The following MACF1 variants were observed in gnomAD, a reference collection of about 807,000 sequenced individuals.
MACF1 encodes the protein microtubule-actin cross-linking factor 1.
Under a neutral mutation model 854.8 loss-of-function variants are expected in MACF1, and 193 were observed. The ratio of observed to expected loss-of-function variants is 0.23; its 90% CI spans 0.20 to 0.25. MACF1 has a LOEUF of 0.25. Among genes scored for constraint, MACF1 ranks in the 10% least tolerant of loss-of-function variants. MACF1 has a pLI of 1.00. For missense variants in MACF1, 7,722 were observed against 8,929.1 expected, an observed-to-expected ratio of 0.86 and a Z score of 5.45; for synonymous variants, 3,185 against 3,226.7, an observed-to-expected ratio of 0.99 and a Z score of 0.44.
chr1:39,174,036 TA>T (rs1643990444), intron 2 of MACF1, among the ~76,000 whole-genome samples: 1 of 152,184 alleles, frequency 6.6e-6, no homozygotes, highest in Non-Finnish European at 1.5e-5. Flanking sequence ...AAGGGAGACT[TA>T]ATCGTGCTTT....
chr1:39,096,807 A>G (rs1222446128), intron 2 of MACF1, among the ~76,000 whole-genome samples: 1 of 151,696 alleles, frequency 6.6e-6, no homozygotes, highest in Admixed American at 6.6e-5. Context: ...TATCTGCTTC[A>G]GAGTCCATGT....
At chr1:39,254,442 G>T in intron 5 of MACF1, 67 bp downstream of exon 5, 2 of 1,380,266 alleles carry the variant, frequency 1.4e-6, no homozygotes, top group South Asian at 2.3e-5. Flanking sequence ...ATTCAGAGAT[G>T]TTTTTAGTGC....
chr1:39,247,680 T>G (rs1644997550), intron 2 of MACF1, among the ~76,000 whole-genome samples: 1 of 152,228 alleles, frequency 6.6e-6, no homozygotes, highest in Admixed American at 6.5e-5. Context: ...GATGTCTTGT[T>G]TTGTTTATTG....
intron 58 of MACF1, among the ~76,000 whole-genome samples, chr1:39,408,822 TC>T (rs1642830831): frequency 6.6e-6 from 1 of 151,514 alleles, no homozygotes; most frequent in African/African-American, 2.4e-5. Context: ...ACGGCTGGCG[TC>T]CCGGGTCTCT....
At position 39,333,267 on chromosome 1, in the gene MACF1, A is replaced by C. The variant is rs1413888345; in HGVS notation, c.6679A>C (p.Lys2227Gln). Residue 2227 changes from lysine (K) to glutamine (Q), a missense_variant, in exon 37 of 101, where the codon AAG becomes CAG. Lys to Gln is a moderately conservative substitution (Grantham distance 53). Around this residue, in one of 15 missense-constraint regions of MACF1, gnomAD observed 1,531 missense variants for 1,601.6 expected, o/e 0.96. Coordinates refer to ENST00000564288, the MANE Select transcript of MACF1 (RefSeq NM_001394062.1). Reference sequence around the variant, plus strand: ...TGGGAATGTTCATCCTCTGGACAAAAAGGAAATGTTAAAGAAAACATTTCT... The same window carrying C: ...TGGGAATGTTCATCCTCTGGACAAACAGGAAATGTTAAAGAAAACATTTCT... Reference protein sequence around the residue: ...TDGNVHPLDKKEMLKKTFLAK... With the variant: ...TDGNVHPLDKQEMLKKTFLAK... 1.2e-6 allele frequency: 2 copies of C among 1,613,964 alleles called. No individual in the cohort carries two copies. The highest frequency in any genetic ancestry group is 1.6e-4 in the Middle Eastern group (1 of 6,084).
At chr1:39,359,294 C>T in intron 47 of MACF1, 30 bp downstream of exon 47, 1 of 1,609,822 alleles carries the variant, frequency 6.2e-7, no homozygotes, top group Admixed American at 1.7e-5. Flanking sequence ...TAATAGTACT[C>T]CCTTAATTCC....
At chr1:39,477,567 A>T (rs1460463437) in intron 97 of MACF1, among the ~76,000 whole-genome samples, 1 of 151,888 alleles carries the variant, frequency 6.6e-6, no homozygotes, top group African/African-American at 2.4e-5. Context: ...GTTGTCAGTG[A>T]CCTTTGCCAG....
At chr1:39,121,716 A>G (rs112205225) in intron 2 of MACF1, among the ~76,000 whole-genome samples, 1 of 152,066 alleles carries the variant, frequency 6.6e-6, no homozygotes, top group African/African-American at 2.4e-5. Flanking sequence ...CCAAAGTGCT[A>G]GGATTATAGG....
In MACF1 at chr1:39,445,392, T is replaced by G. The variant is rs533083100; in HGVS notation, c.19605+557T>G. On this transcript the variant is annotated intron_variant, in intron 80 of 100. Transcript: ENST00000564288. ...ATGAGTACAGAGTTTCACTGTATTTTTTGCTGCTCAGATCAAGTATGAAAT... is the reference window on the plus strand; with the variant it reads ...ATGAGTACAGAGTTTCACTGTATTTGTTGCTGCTCAGATCAAGTATGAAAT... Among the ~76,000 whole-genome samples the G allele has an allele frequency of 4.5e-4, 69 of 152,332 alleles. 1 individual carries two copies. Among genetic ancestry groups the G allele is most frequent in the Non-Finnish European group, 3.8e-4 (26 of 68,020 alleles).
At chr1:39,441,444 T>C in intron 74 of MACF1, 119 bp downstream of exon 74, 1 of 759,232 alleles carries the variant, frequency 1.3e-6, no homozygotes, top group South Asian at 1.8e-5. Flanking sequence ...CCTAAGATAG[T>C]GGTGTTTCCA....
At chr1:39,429,673 T>C (rs1306752327) in intron 64 of MACF1, among the ~76,000 whole-genome samples, 154 bp from the exon 65 acceptor site, 2 of 152,144 alleles carry the variant, frequency 1.3e-5, no homozygotes, top group African/African-American at 4.8e-5. Flanking sequence ...TTATTTTATT[T>C]CCCATTTGCC....
chr1:39,134,022 CAGA>C (rs1643090503), intron 2 of MACF1, among the ~76,000 whole-genome samples: 1 of 141,064 alleles, frequency 7.1e-6, no homozygotes, highest in Non-Finnish European at 1.5e-5. Flanking sequence ...ATATTATCAT[CAGA>C]AGAACAGTCT....
intron 2 of MACF1, among the ~76,000 whole-genome samples, chr1:39,155,190 C>G (rs1204169614): frequency 1.3e-5 from 2 of 152,222 alleles, no homozygotes; most frequent in African/African-American, 2.4e-5. Context: ...CCAAGAGCCT[C>G]TTTGGAACCA....
chr1:39,387,641 G>C lies in MACF1; in HGVS notation c.14799G>C (p.Leu4933=). 6.2e-7 allele frequency: 1 copy of C among 1,614,176 alleles called. No individual in the cohort carries two copies. The highest frequency in any genetic ancestry group is 8.5e-7 in the Non-Finnish European group (1 of 1,180,022). ...AGATGTCTGAGTTGCGAGTCACTCTGGATCCAGTGCAGCTAGAGTCCAGTC... is the reference window on the plus strand; with the variant it reads ...AGATGTCTGAGTTGCGAGTCACTCTCGATCCAGTGCAGCTAGAGTCCAGTC... ...KAKMSELRVT[L]DPVQLESSLL... Residue 4933 remains leucine, a synonymous_variant, in exon 58 of 101, where the codon CTG becomes CTC. Transcript: ENST00000564288.
At chr1:39,243,110 C>T (rs1480067309) in intron 2 of MACF1, among the ~76,000 whole-genome samples, 2 of 152,212 alleles carry the variant, frequency 1.3e-5, no homozygotes, top group Non-Finnish European at 2.9e-5. Flanking sequence ...TAACACTTAT[C>T]TGTCTTTTAT....
At chr1:39,422,651 T>C (rs1348806169) in intron 59 of MACF1, 79 bp from the exon 60 acceptor site, 6 of 1,542,850 alleles carry the variant, frequency 3.9e-6, no homozygotes, top group Non-Finnish European at 5.3e-6. Context: ...TTGCAATCTA[T>C]AATTACTAAA....
rs1286706650 is a variant in MACF1 at position 39,084,425 on chromosome 1, G to C, written c.207G>C (p.Val69=). ...TGCTGGACCCTGCAGAGCGTGCTGT[G>C]GTCAGAGTCGCTGGTAAGAGAGGTC... is the stretch of plus-strand genomic sequence containing the variant. The change falls in exon 2 of 94, where the codon GTG becomes GTC. Residue 69 remains valine (V), a synonymous_variant. Transcript: ENST00000361689. This position sits in a 1 kb window ranked among gnomAD's most constrained non-coding sequence, Gnocchi z 5.2. 1 of 1,609,398 alleles carries C rather than the reference G, an allele frequency of 6.2e-7. No individual in the cohort carries two copies. Among genetic ancestry groups the C allele is most frequent in the Admixed American group, 1.7e-5 (1 of 59,968 alleles).
intron 2 of MACF1, among the ~76,000 whole-genome samples, chr1:39,101,374 G>GTATATA (rs112843404): frequency 7.1e-4 from 88 of 124,182 alleles, no homozygotes; most frequent in African/African-American, 1.1e-3. Flanking sequence ...AAAAAAATAT[G>GTATATA]TATATATATA....
intron 57 of MACF1, 71 bp downstream of exon 57, chr1:39,386,000 A>G (rs1289898424): frequency 3.4e-6 from 5 of 1,480,632 alleles, no homozygotes; most frequent in Non-Finnish European, 4.5e-6. Context: ...GGTTAGGAGT[A>G]GTCCCAAGAT....
Sources: allele counts gnomAD v4.1 joint callset (sites outside exome capture counted in the v4.1 genomes callset), GRCh38; gene constraint gnomAD v4.1.1; regional missense constraint gnomAD v4.1.1; non-coding constraint Gnocchi (gnomAD v3.1); transcripts MANE v1.5; gene names NCBI Gene and HGNC (gene_info 2026-07-23, HGNC 2026-07-21).